Variants in SPATA31H1 observed in about 807,000 individuals in gnomAD.
SPATA31H1 encodes the protein spermatogenesis-associated protein 31H1.
At chr2:27,547,226 G>A in the SPATA31H1 span, among the ~76,000 whole-genome samples, 6 of 150,522 alleles carry the variant, frequency 4.0e-5, no homozygotes, top group African/African-American at 1.5e-4. Context: ...CAGGCTAGAG[G>A]GCAGTGAGGT....
the SPATA31H1 span, chr2:27,578,958 C>T: frequency 1.2e-6 from 2 of 1,613,938 alleles, no homozygotes; most frequent in Non-Finnish European, 1.7e-6. Context: ...TCCTTTGGCC[C>T]TTCATAATCA....
the SPATA31H1 span, among the ~76,000 whole-genome samples, chr2:27,560,328 T>TTTAA: frequency 1 from 152,297 of 152,302 alleles, 76,146 homozygotes; most frequent in Middle Eastern, 1. Flanking sequence ...TATTTAATAA[T>TTTAA]TTGACTGTAT....
the SPATA31H1 span, among the ~76,000 whole-genome samples, chr2:27,550,314 A>G: frequency 6.6e-6 from 1 of 150,400 alleles, no homozygotes; most frequent in Non-Finnish European, 1.5e-5. Context: ...TTTATGTGTA[A>G]TGTTTGATAG....
At chr2:27,581,012 G>A in the SPATA31H1 span, 15 of 1,614,032 alleles carry the variant, frequency 9.3e-6, no homozygotes, top group African/African-American at 1.3e-5. Context: ...CTGTTCAAAA[G>A]GACAGTAGTA....
the SPATA31H1 span, chr2:27,567,341 G>C: frequency 5.7e-6 from 3 of 529,696 alleles, no homozygotes; most frequent in Non-Finnish European, 1.0e-5. Flanking sequence ...CTTTACCTTT[G>C]AGGAAATCAT....
the SPATA31H1 span, chr2:27,574,211 A>G: frequency 9.3e-5 from 37 of 398,534 alleles, no homozygotes; most frequent in South Asian, 4.5e-3. Flanking sequence ...CACGGTTGCA[A>G]GATTTGAAAT....
chr2:27,571,937 C>T, the SPATA31H1 span: 80 of 398,332 alleles, frequency 2.0e-4, 1 homozygote, highest in East Asian at 2.8e-3. Context: ...TGGATTTAAC[C>T]CTTGAGCCTG....
the SPATA31H1 span, among the ~76,000 whole-genome samples, chr2:27,560,923 C>T: frequency 1.3e-5 from 2 of 152,144 alleles, no homozygotes; most frequent in Admixed American, 6.5e-5. Flanking sequence ...AGGGATTTCA[C>T]CCCAGACCCC....
chr2:27,581,418 A>G, the SPATA31H1 span: 1 of 1,614,046 alleles, frequency 6.2e-7, no homozygotes, highest in Non-Finnish European at 8.5e-7. Context: ...AAATCACTGC[A>G]GTCCCCCCGA....
At chr2:27,582,126 A>T in the SPATA31H1 span, 1 of 1,613,988 alleles carries the variant, frequency 6.2e-7, no homozygotes, top group African/African-American at 1.3e-5. Context: ...CTCAGAGAAG[A>T]GCCACCTCAG....
the SPATA31H1 span, among the ~76,000 whole-genome samples, chr2:27,555,272 G>T: frequency 7.9e-5 from 12 of 151,812 alleles, no homozygotes; most frequent in African/African-American, 2.9e-4. Context: ...ACATTGTTTT[G>T]AAAGTCCTAG....
the SPATA31H1 span, among the ~76,000 whole-genome samples, chr2:27,548,532 T>C: frequency 1.4e-5 from 2 of 148,098 alleles, no homozygotes; most frequent in Non-Finnish European, 3.0e-5. Context: ...CACTTGAGCC[T>C]CGGGGGAAGA....
chr2:27,547,244 G>C, the SPATA31H1 span, among the ~76,000 whole-genome samples: 7 of 150,744 alleles, frequency 4.6e-5, no homozygotes, highest in Non-Finnish European at 1.0e-4. Flanking sequence ...GGTGATCTCA[G>C]CTCACTGCAA....
At chr2:27,552,256 A>T in the SPATA31H1 span, among the ~76,000 whole-genome samples, 1 of 151,786 alleles carries the variant, frequency 6.6e-6, no homozygotes, top group African/African-American at 2.4e-5. Flanking sequence ...TTTTGAATTA[A>T]TTTTTTGAAT....
chr2:27,582,488 C>T, the SPATA31H1 span: 4 of 1,611,882 alleles, frequency 2.5e-6, no homozygotes, highest in Middle Eastern at 1.7e-4. Flanking sequence ...ATAAAAATCC[C>T]AAAGCAGGGC....
At chr2:27,539,965 G>T in the SPATA31H1 span, among the ~76,000 whole-genome samples, 1 of 128,686 alleles carries the variant, frequency 7.8e-6, no homozygotes, top group African/African-American at 2.9e-5. Context: ...CCAGGCGGGG[G>T]GCTGATCCCC....
the SPATA31H1 span, among the ~76,000 whole-genome samples, chr2:27,554,924 C>T: frequency 6.6e-6 from 1 of 151,938 alleles, no homozygotes; most frequent in Non-Finnish European, 1.5e-5. Context: ...AGGGAAACCC[C>T]TCATGACCTA....
chr2:27,579,565 A>G, the SPATA31H1 span: 2 of 1,614,242 alleles, frequency 1.2e-6, no homozygotes, highest in Non-Finnish European at 1.7e-6. Flanking sequence ...GTGAGAATAA[A>G]GAAGACAAAC....
the SPATA31H1 span, chr2:27,575,284 A>G: frequency 2.5e-6 from 1 of 398,598 alleles, no homozygotes; most frequent in Non-Finnish European, 4.4e-6. The surrounding 1 kb of genome is among the most constrained non-coding windows in gnomAD (Gnocchi z 4.1). Flanking sequence ...AAGCAGCAGC[A>G]AGATGAGAAA....
Sources: allele counts gnomAD v4.1 joint callset (sites outside exome capture counted in the v4.1 genomes callset), GRCh38; gene constraint gnomAD v4.1.1; non-coding constraint Gnocchi (gnomAD v3.1); transcripts MANE v1.5; gene names NCBI Gene and HGNC (gene_info 2026-07-23, HGNC 2026-07-21).